Variants in SGSM2 observed in about 807,000 individuals in gnomAD.
SGSM2 encodes the protein RUN and TBC1 domain containing 1.
Under a neutral mutation model 126.6 loss-of-function variants are expected in SGSM2, and 89 were observed. That is an observed-to-expected ratio of 0.70 (90% CI 0.59 to 0.84). SGSM2 has a LOEUF of 0.84. SGSM2 is among the 40% of genes least tolerant of loss of function. The pLI is 0.00. For missense variants in SGSM2, 1,404 were observed against 1,416.6 expected, an observed-to-expected ratio of 0.99 and a Z score of 0.14; for synonymous variants, 614 against 574.3, an observed-to-expected ratio of 1.07 and a Z score of -0.99.
intron 2 of SGSM2, among the ~76,000 whole-genome samples, chr17:2,352,552 GT>G (rs1215876793): frequency 6.6e-6 from 1 of 152,128 alleles, no homozygotes; most frequent in African/African-American, 2.4e-5. Flanking sequence ...TGCTAACTCT[GT>G]CCCTGTACCT....
chr17:2,367,495 T>C lies in SGSM2; in HGVS notation c.1423+90T>C. ...CCCACCACAGGGGTTCGAACGGCAG[T>C]GTTGGCATTAGGGGACTTGCACCCA... On this transcript the variant is annotated intron_variant, in intron 12 of 23. Transcript: ENST00000268989. This position sits in a 1 kb window ranked among gnomAD's most constrained non-coding sequence, Gnocchi z 4.0. 1.4e-6 allele frequency: 2 copies of C among 1,443,822 alleles called. No homozygotes were observed. The highest frequency in any genetic ancestry group is 1.9e-6 in the Non-Finnish European group (2 of 1,060,330). The allele number at this position is 1,443,822 out of a possible 1,614,324, so 89.4% of individuals were successfully genotyped here.
chr17:2,358,349 G>C (rs994853784), intron 2 of SGSM2, among the ~76,000 whole-genome samples: 1 of 152,182 alleles, frequency 6.6e-6, no homozygotes, highest in African/African-American at 2.4e-5. Flanking sequence ...ACTAGATGCG[G>C]GATGGCATGT....
Position 2,362,454 on chromosome 17 carries a change from C to T in SGSM2, c.458+184C>T, listed in dbSNP as rs111743509. Among the ~76,000 whole-genome samples the T allele has an allele frequency of 0.11, 9,592 of 85,900 alleles. 12 individuals are homozygous for T. Among genetic ancestry groups the T allele is most frequent in the East Asian group, 0.21 (439 of 2,070 alleles). 56.4% of individuals were successfully genotyped at this position (85,900 alleles called of 152,430 possible). Reference sequence around the variant, plus strand: ...GTTCCCAAAAACTGCAGGTGACCGCCCCGTTCCCCAAAAACTGCAGGTGAC... The same window carrying T: ...GTTCCCAAAAACTGCAGGTGACCGCTCCGTTCCCCAAAAACTGCAGGTGAC... On this transcript the variant is annotated intron_variant, in intron 4 of 23. Coordinates refer to ENST00000268989, the MANE Select transcript of SGSM2 (RefSeq NM_014853.3). This position sits in a 1 kb window ranked among gnomAD's most constrained non-coding sequence, Gnocchi z 4.9.
intron 2 of SGSM2, among the ~76,000 whole-genome samples, chr17:2,346,951 TG>T (rs1403818843): frequency 1.3e-5 from 2 of 152,044 alleles, no homozygotes; most frequent in Non-Finnish European, 2.9e-5. Context: ...TCGCTGGGCA[TG>T]GTGGTGCACG....
intron 12 of SGSM2, among the ~76,000 whole-genome samples, chr17:2,370,670 G>T (rs1428190202): frequency 6.6e-6 from 1 of 152,252 alleles, no homozygotes; most frequent in Admixed American, 6.5e-5. Flanking sequence ...AGGGGTACCT[G>T]GCCTGGGCAC....
chr17:2,368,862 C>G (rs2065722421), intron 12 of SGSM2, among the ~76,000 whole-genome samples: 1 of 152,198 alleles, frequency 6.6e-6, no homozygotes, highest in Non-Finnish European at 1.5e-5. Flanking sequence ...GCTACTTCTT[C>G]CCCCACGAAC....
intron 2 of SGSM2, among the ~76,000 whole-genome samples, chr17:2,349,851 G>C (rs539317277): frequency 6.6e-6 from 1 of 151,292 alleles, no homozygotes; most frequent in Non-Finnish European, 1.5e-5. Flanking sequence ...GCAATGGAGC[G>C]GTCTTGGCTC....
chr17:2,379,970 T>A lies in SGSM2; in HGVS notation c.*450T>A. On this transcript the variant is annotated 3_prime_UTR_variant, in exon 24 of 24. Transcript: ENST00000268989. ...TGAGGGTCCCTTTGCAGTCCCAGTA[T>A]ATTGTGCGTGCACCAGCCCCAGCTG... 1 of 1,362,258 alleles carries A rather than the reference T, an allele frequency of 7.3e-7. No homozygotes were observed. Among genetic ancestry groups the A allele is most frequent in the Non-Finnish European group, 9.5e-7 (1 of 1,057,888 alleles). The allele number at this position is 1,362,258 out of a possible 1,614,324, so 84.4% of individuals were successfully genotyped here.
intron 12 of SGSM2, among the ~76,000 whole-genome samples, chr17:2,368,990 A>T (rs559824002): frequency 1.5e-3 from 233 of 152,290 alleles, no homozygotes; most frequent in Non-Finnish European, 2.6e-3. Flanking sequence ...AAACTTCCAG[A>T]CCCACTTCCA....
At chr17:2,369,232 C>T (rs1457552616) in intron 12 of SGSM2, among the ~76,000 whole-genome samples, 2 of 152,174 alleles carry the variant, frequency 1.3e-5, no homozygotes, top group Non-Finnish European at 2.9e-5. Context: ...CTTTTCAGGC[C>T]TGCAACATGC....
chr17:2,337,753 C>T lies in SGSM2; in HGVS notation c.57+8C>T, dbSNP rs779379105. ...TGGAACGTGAAGAAGGAGGTAAAGT[C>T]GAGTCAAGAACCCCGGGGGGCTCGC... On this transcript the variant is annotated splice_region_variant and intron_variant, in intron 1 of 23. Transcript: ENST00000268989. This position sits in a 1 kb window ranked among gnomAD's most constrained non-coding sequence, Gnocchi z 5.1. 1.3e-6 allele frequency: 2 copies of T among 1,528,338 alleles called. No homozygotes were observed. Among genetic ancestry groups the T allele is most frequent in the South Asian group, 2.4e-5 (2 of 83,144 alleles). The allele number at this position is 1,528,338 out of a possible 1,614,324, so 94.7% of individuals were successfully genotyped here.
In SGSM2 at chr17:2,338,789, A is replaced by ATATATATATATATATATAT. The variant is rs1483751869; in HGVS notation, c.57+1044_57+1045insTATATATATATATATATAT. ...CCGTCTCCCTAATATATATATATAT[A>ATATATATATATATATATAT]ACCTCACGCCTGTAATCCCAGCACG... On this transcript the variant is annotated intron_variant, in intron 1 of 23. Coordinates refer to ENST00000268989, the MANE Select transcript of SGSM2 (RefSeq NM_014853.3). 4.0e-5 allele frequency among the ~76,000 whole-genome samples: 6 copies of ATATATATATATATATATAT among 148,204 alleles called. No individual in the cohort carries two copies. The East Asian group carries it at 6.7e-4, about 17-fold the overall frequency.
chr17:2,362,129 A>C lies in SGSM2; in HGVS notation c.317A>C (p.Gln106Pro), dbSNP rs777229356. ...TGCAGGAAACCCTCAGGGGTCAGCC[A>C]GGAGGCCCTGCGGAGACAGGGCTCA... ...AEGRKPSGVS[Q>P]EALRRQGSAS... Residue 106 changes from glutamine to proline, a missense_variant, in exon 4 of 24, where the codon CAG (glutamine) becomes CCG (proline). Gln to Pro is a moderately conservative substitution (Grantham distance 76). Coordinates refer to ENST00000268989, the MANE Select transcript of SGSM2 (RefSeq NM_014853.3). The surrounding 1 kb of genome is among the most constrained non-coding windows in gnomAD (Gnocchi z 4.9). 1.7e-5 allele frequency: 28 copies of C among 1,612,992 alleles called. No homozygotes were observed. The South Asian group carries it at 1.9e-4, about 11-fold the overall frequency.
In SGSM2 at chr17:2,367,864, G is replaced by A. The variant is rs1014682771; in HGVS notation, c.1423+459G>A. Among the ~76,000 whole-genome samples, 23 of 152,202 alleles carry A rather than the reference G, an allele frequency of 1.5e-4. No individual in the cohort carries two copies. Among genetic ancestry groups the A allele is most frequent in the African/African-American group, 2.4e-5 (1 of 41,454 alleles). On this transcript the variant is annotated intron_variant, in intron 12 of 23. Transcript: ENST00000268989. This position sits in a 1 kb window ranked among gnomAD's most constrained non-coding sequence, Gnocchi z 4.0. ...CCTTCCTGGGGCAGGGGCAGCAGCT[G>A]TGGGTCAGGCGAGGGGTTGAGGGCT...
In SGSM2 at chr17:2,364,164, G is replaced by C; in HGVS notation, c.913G>C (p.Asp305His). The change falls in exon 8 of 24, where the codon GAC becomes CAC. Residue 305 changes from aspartate (D) to histidine (H), a missense_variant. Asp to His is a moderately conservative substitution (Grantham distance 81, BLOSUM62 -1). Coordinates refer to ENST00000268989, the MANE Select transcript of SGSM2 (RefSeq NM_014853.3). ...PNQLMNGTLG[D>H]SELEKSVYWD... ...CCAGCTCATGAATGGGACTCTGGGG[G>C]ACTCCGAGCTGGAAAAGAGGTGGGG... The C allele has an allele frequency of 6.2e-7, 1 of 1,613,916 alleles. No homozygotes were observed. The highest frequency in any genetic ancestry group is 8.5e-7 in the Non-Finnish European group (1 of 1,180,020).
Position 2,377,045 on chromosome 17 carries a change from G to A in SGSM2, c.2779G>A (p.Ala927Thr). The change falls in exon 21 of 24, where the codon GCC becomes ACC. Residue 927 changes from alanine (A) to threonine (T), a missense_variant. Ala to Thr is a moderately conservative substitution (Grantham distance 58). Coordinates refer to ENST00000268989, the MANE Select transcript of SGSM2 (RefSeq NM_014853.3). ...PNGGAMDTHF[A>T]NMRSLIQILD... ...CGGGGGTGCCATGGACACCCACTTT[G>A]CCAACATGCGCTCCCTCATCCAGGT... The A allele has an allele frequency of 6.2e-7, 1 of 1,613,242 alleles. No homozygotes were observed.
At chr17:2,365,484 C>G in intron 11 of SGSM2, 143 bp downstream of exon 11, 1 of 1,011,904 alleles carries the variant, frequency 9.9e-7, no homozygotes, top group Non-Finnish European at 1.4e-6. Flanking sequence ...AGCCTCTCAG[C>G]TGGACCTTTT....
At chr17:2,369,716 G>A (rs993093702) in intron 12 of SGSM2, among the ~76,000 whole-genome samples, 12 of 137,448 alleles carry the variant, frequency 8.7e-5, no homozygotes, top group South Asian at 2.5e-4. Flanking sequence ...CTGCCTGCCC[G>A]CCTGTTGCCT....
In SGSM2 at chr17:2,362,340, C is replaced by T. The variant is rs1298744220; in HGVS notation, c.458+70C>T. ...CCCCCAAAACTGCAGGTGACCGCCC[C>T]GTTCCCCAAAAACTGCAGGTGACCG... On this transcript the variant is annotated intron_variant, in intron 4 of 23. Transcript: ENST00000268989. This position sits in a 1 kb window ranked among gnomAD's most constrained non-coding sequence, Gnocchi z 4.9. The T allele has an allele frequency of 7.3e-6, 11 of 1,498,844 alleles. No homozygotes were observed. Among genetic ancestry groups the T allele is most frequent in the Non-Finnish European group, 9.8e-6 (11 of 1,118,472 alleles). The allele number at this position is 1,498,844 out of a possible 1,614,324, so 92.8% of individuals were successfully genotyped here. A position where few individuals can be genotyped will look rare whatever the true frequency, so the allele number is the denominator to read the frequency against.
Sources: allele counts gnomAD v4.1 joint callset (sites outside exome capture counted in the v4.1 genomes callset), GRCh38; gene constraint gnomAD v4.1.1; non-coding constraint Gnocchi (gnomAD v3.1); transcripts MANE v1.5; gene names NCBI Gene and HGNC (gene_info 2026-07-23, HGNC 2026-07-21).